GLI2: variants seen among roughly 807,000 people sequenced by gnomAD.
GLI2 encodes GLI family zinc finger 2, also known as transcription activator GLI2.
A neutral mutation model predicts 78.9 loss-of-function variants in GLI2; 22 were observed. That is an observed-to-expected ratio of 0.28 (90% CI 0.20 to 0.40). GLI2 has a LOEUF of 0.40. GLI2 is among the 10% of genes least tolerant of loss of function. The probability of loss-of-function intolerance (pLI) is 1.00; values close to 1 mark genes in which losing one functional copy is unlikely to be tolerated. For synonymous variants in GLI2, 974 were observed against 963.7 expected (o/e 1.01, Z -0.20); for missense variants, 2,097 against 2,213.2 (o/e 0.95, Z 1.05).
intron 1 of GLI2, among the ~76,000 whole-genome samples, chr2:120,781,889 A>G (rs1683860158): frequency 6.6e-6 from 1 of 152,160 alleles, no homozygotes; most frequent in Non-Finnish European, 1.5e-5. Context: ...CTCAAAAAAA[A>G]AAAAAGAACA....
chr2:120,905,944 G>A (rs868555591), intron 2 of GLI2, among the ~76,000 whole-genome samples: 2 of 144,806 alleles, frequency 1.4e-5, no homozygotes, highest in Non-Finnish European at 3.0e-5. Context: ...TCCCCTGCCC[G>A]TCGTTGGGCT....
chr2:120,767,566 G>T (rs1261077352), intron 1 of GLI2, among the ~76,000 whole-genome samples: 1 of 152,204 alleles, frequency 6.6e-6, no homozygotes, highest in East Asian at 1.9e-4. Context: ...TAATTGAAAA[G>T]AAACTTTTTA....
chr2:120,766,088 A>T (rs1683357628), intron 1 of GLI2, among the ~76,000 whole-genome samples: 1 of 152,144 alleles, frequency 6.6e-6, no homozygotes, highest in African/African-American at 2.4e-5. Flanking sequence ...GTTTCCTTGC[A>T]TCACGATGGG....
rs1682096524 is a variant in GLI2 at position 120,970,567 on chromosome 2, G to A, written c.1020G>A (p.Gln340=). 1 of 1,614,190 alleles carries A rather than the reference G, an allele frequency of 6.2e-7. No homozygotes were observed. The highest frequency in any genetic ancestry group is 8.5e-7 in the Non-Finnish European group (1 of 1,180,036). ...ALTSINATPT[Q]LSSSSNCLSD... The stretch of plus-strand genomic sequence containing the variant: ...CCTCCATCAATGCCACGCCCACCCA[G>A]CTCAGCAGCAGCAGCAACTGTCTGA... Residue 340 remains glutamine, a synonymous_variant, in exon 7 of 14, where the codon CAG becomes CAA. Coordinates refer to ENST00000361492, the MANE Select transcript of GLI2 (RefSeq NM_001374353.1).
At chr2:120,959,004 C>T (rs539626457) in intron 5 of GLI2, among the ~76,000 whole-genome samples, 72 of 152,284 alleles carry the variant, frequency 4.7e-4, no homozygotes, top group African/African-American at 1.4e-3. Context: ...TGGAAAGATG[C>T]GCTCCAGCTA....
chr2:120,836,345 A>AT (rs982374248), intron 2 of GLI2, among the ~76,000 whole-genome samples: 1 of 152,026 alleles, frequency 6.6e-6, no homozygotes, highest in Non-Finnish European at 1.5e-5. Context: ...ATATGTGTAT[A>AT]TTTTTTTCTG....
At chr2:120,978,139 C>T (rs1181478817) in intron 9 of GLI2, among the ~76,000 whole-genome samples, 1 of 152,158 alleles carries the variant, frequency 6.6e-6, no homozygotes. Context: ...AAATGCAGGG[C>T]AGATAAGCGG....
intron 2 of GLI2, among the ~76,000 whole-genome samples, chr2:120,835,385 CTTTT>C (rs544747953): frequency 7.6e-6 from 1 of 132,402 alleles, no homozygotes. Context: ...AGGCACCAGA[CTTTT>C]TTTTTTTTTT....
chr2:120,776,390 G>A (rs868149412), intron 1 of GLI2, among the ~76,000 whole-genome samples: 7 of 152,160 alleles, frequency 4.6e-5, no homozygotes, highest in African/African-American at 7.2e-5. Flanking sequence ...TGTGAGTGAG[G>A]TCCAGGGTGT....
At position 120,989,098 on chromosome 2, in the gene GLI2, C is replaced by A; in HGVS notation, c.3133C>A (p.Leu1045Ile). The change falls in exon 14 of 14, where the codon CTT (leucine) becomes ATT (isoleucine). Residue 1045 changes from leucine (L) to isoleucine (I), a missense_variant. By Grantham distance (5) the Leu-to-Ile change is conservative. This residue lies in a region of GLI2 where 1,290 missense variants were observed against 1,261.7 expected (regional missense o/e 1.02). Transcript: ENST00000361492. The part of the protein sequence containing the change: ...DLGLPEDDLV[L>I]PDDVVQYIKA... ...GGGGCTGCCGGAGGACGACCTGGTG[C>A]TTCCAGACGACGTGGTGCAGTACAT... 1.2e-6 allele frequency: 2 copies of A among 1,612,588 alleles called. No homozygotes were observed. The highest frequency in any genetic ancestry group is 1.7e-6 in the Non-Finnish European group (2 of 1,179,912).
At chr2:120,811,366 C>A (rs1685232276) in intron 2 of GLI2, among the ~76,000 whole-genome samples, 1 of 152,180 alleles carries the variant, frequency 6.6e-6, no homozygotes, top group Admixed American at 6.5e-5. Context: ...GTCCCCCTCC[C>A]CTACTTGTCC....
At chr2:120,911,209 C>T (rs961440645) in intron 2 of GLI2, among the ~76,000 whole-genome samples, 4 of 152,246 alleles carry the variant, frequency 2.6e-5, no homozygotes, top group Non-Finnish European at 4.4e-5. Flanking sequence ...GGCATGAGGT[C>T]TGGCTGTGAC....
chr2:120,840,196 T>G (rs1010388465), intron 2 of GLI2, among the ~76,000 whole-genome samples: 1 of 152,226 alleles, frequency 6.6e-6, no homozygotes, highest in African/African-American at 2.4e-5. Context: ...TTTGAAAAAT[T>G]TCCACCAACC....
At chr2:120,976,210 G>A (rs1457770855) in intron 9 of GLI2, among the ~76,000 whole-genome samples, 2 of 152,166 alleles carry the variant, frequency 1.3e-5, no homozygotes, top group Non-Finnish European at 2.9e-5. Flanking sequence ...ACACATGCAC[G>A]CGTCTCCGAT....
chr2:120,943,148 G>A (rs1457898640), intron 3 of GLI2, among the ~76,000 whole-genome samples: 1 of 152,194 alleles, frequency 6.6e-6, no homozygotes, highest in Non-Finnish European at 1.5e-5. Context: ...AGATGGACGT[G>A]CTCAGGTCAG....
intron 5 of GLI2, among the ~76,000 whole-genome samples, chr2:120,958,917 C>A (rs76428558): frequency 2.5e-3 from 374 of 152,348 alleles, no homozygotes; most frequent in African/African-American, 8.3e-3. Context: ...GGGAGCACAT[C>A]TGGCAAGGAG....
chr2:120,873,752 G>C (rs576798751), intron 2 of GLI2, among the ~76,000 whole-genome samples: 59 of 152,294 alleles, frequency 3.9e-4, no homozygotes, highest in Non-Finnish European at 6.8e-4. Flanking sequence ...GGCTCCCCGA[G>C]CCTCCTCATC....
At chr2:120,912,346 T>G (rs1678866428) in intron 2 of GLI2, among the ~76,000 whole-genome samples, 1 of 151,784 alleles carries the variant, frequency 6.6e-6, no homozygotes, top group African/African-American at 2.4e-5. Context: ...ACAGTCTTAT[T>G]CTAGGAAATA....
chr2:120,973,673 G>A (rs1288158474), intron 8 of GLI2, among the ~76,000 whole-genome samples: 2 of 152,234 alleles, frequency 1.3e-5, no homozygotes, highest in Non-Finnish European at 2.9e-5. Flanking sequence ...ATCTGGAAAG[G>A]AAATGCTCCC....
Sources: gnomAD v4.1 joint callset for allele counts (sites outside exome capture counted in the v4.1 genomes callset) on GRCh38, gnomAD v4.1.1 for gene constraint, gnomAD v4.1.1 regional missense constraint, MANE v1.5 for transcripts, NCBI Gene and HGNC (gene_info 2026-07-23, HGNC 2026-07-21) for gene names.